The following METTL15 variants were observed in gnomAD, a reference collection of about 807,000 sequenced individuals.
METTL15 encodes the protein 12S rRNA N(4)-cytidine methyltransferase METTL15.
METTL15 carries 34 observed loss-of-function variants against 38.3 expected under a neutral mutation model. That is an observed-to-expected ratio of 0.89 (90% CI 0.68 to 1.18). The LOEUF is 1.18. METTL15 is among the 50% of genes most tolerant of loss of function. The pLI, the probability that METTL15 is intolerant of heterozygous loss-of-function variation, is 0.00. For synonymous variants in METTL15, 162 were observed against 170.9 expected (o/e 0.95, Z 0.41); for missense variants, 438 against 498.4 (o/e 0.88, Z 1.15).
At chr11:28,300,326 T>C (rs1856870357) in intron 6 of METTL15, among the ~76,000 whole-genome samples, 1 of 152,130 alleles carries the variant, frequency 6.6e-6, no homozygotes, top group Non-Finnish European at 1.5e-5. Flanking sequence ...TTAAAATCCA[T>C]ATTGATGGAA....
At chr11:28,187,467 A>G (rs1294020360) in intron 3 of METTL15, among the ~76,000 whole-genome samples, 1 of 150,684 alleles carries the variant, frequency 6.6e-6, no homozygotes. Flanking sequence ...GAAGGACTGA[A>G]AAGGGGAAAG....
At chr11:28,211,379 T>G (rs1010354963) in intron 4 of METTL15, among the ~76,000 whole-genome samples, 181 bp downstream of exon 4, 2 of 152,092 alleles carry the variant, frequency 1.3e-5, no homozygotes, top group African/African-American at 4.8e-5. Flanking sequence ...AAAGTAATGC[T>G]ATTTTCCAGT....
At chr11:28,113,733 G>C in intron 3 of METTL15, 129 bp downstream of exon 3, 1 of 932,646 alleles carries the variant, frequency 1.1e-6, no homozygotes, top group South Asian at 1.9e-5. Flanking sequence ...TTTGATGGTT[G>C]ATGCGAAAGT....
intron 3 of METTL15, among the ~76,000 whole-genome samples, chr11:28,123,240 A>G (rs756707709): frequency 6.6e-6 from 1 of 152,142 alleles, no homozygotes; most frequent in Non-Finnish European, 1.5e-5. Flanking sequence ...TCCCTGATCA[A>G]TAGTCTAATC....
chr11:28,366,356 A>G (rs1048455069), intron 5 of METTL15, among the ~76,000 whole-genome samples: 1 of 152,192 alleles, frequency 6.6e-6, no homozygotes, highest in African/African-American at 2.4e-5. Context: ...CCATCTATAA[A>G]TAAAATACTG....
rs10501097 is a variant in METTL15, at chr11:28,324,710, T to C, written c.779-5686T>C. On this transcript the variant is annotated intron_variant, in intron 6 of 6. Transcript: ENST00000407364. ...ATGCTTTTTGTGACTAAAATTGTGA[T>C]GCTGCTCATTTAGTCACTTATTGAT... Among the ~76,000 whole-genome samples, 1,462 of 152,338 alleles carry C rather than the reference T, an allele frequency of 9.6e-3. 73 individuals are homozygous for C. The highest frequency in any genetic ancestry group is 0.082 in the Admixed American group (1,260 of 15,294).
At chr11:28,336,947 T>C (rs2133350868), downstream of METTL15, among the ~76,000 whole-genome samples, 1 of 152,232 alleles carries the variant, frequency 6.6e-6, no homozygotes, top group East Asian at 1.9e-4. Flanking sequence ...CTATGTACAT[T>C]ATTACCCCTG....
intron 2 of METTL15, among the ~76,000 whole-genome samples, chr11:28,110,891 A>C (rs1408084993): frequency 6.6e-6 from 1 of 152,204 alleles, no homozygotes; most frequent in Non-Finnish European, 1.5e-5. Context: ...CTTAACTAGG[A>C]GATCACAGAG....
Position 28,397,790 on chromosome 11 carries a change from G to C in METTL15, c.*359-26509G>C, listed in dbSNP as rs1850587395. ...TGCTGCTATAAAGACACATGCACAT[G>C]TATGTTTATTGTGGCACTATTCACA... is the stretch of plus-strand genomic sequence containing the variant. On this transcript the variant is annotated intron_variant and NMD_transcript_variant, in intron 5 of 7. Transcript: ENST00000532947. Among the ~76,000 whole-genome samples the C allele has an allele frequency of 2.0e-5, 3 of 152,070 alleles. No homozygotes were observed. In the South Asian group the frequency reaches 6.2e-4, roughly 32 times the overall value.
intron 6 of METTL15, among the ~76,000 whole-genome samples, chr11:28,426,613 T>C (rs932259466): frequency 1.9e-4 from 28 of 151,266 alleles, no homozygotes; most frequent in African/African-American, 6.8e-4. Context: ...TTTTGACTTT[T>C]TAGTAATAGC....
intron 5 of METTL15, among the ~76,000 whole-genome samples, chr11:28,373,103 C>T (rs894183052): frequency 7.2e-5 from 11 of 152,008 alleles, no homozygotes; most frequent in Non-Finnish European, 1.6e-4. Flanking sequence ...GTCCTTATAG[C>T]AGCATGATTT....
intron 4 of METTL15, among the ~76,000 whole-genome samples, chr11:28,282,953 A>G (rs963521443): frequency 1.3e-5 from 2 of 152,182 alleles, no homozygotes; most frequent in Admixed American, 1.3e-4. Flanking sequence ...GAGAATCATG[A>G]CCATCATTAT....
At chr11:28,377,343 G>T (rs1850327989) in intron 5 of METTL15, among the ~76,000 whole-genome samples, 1 of 151,984 alleles carries the variant, frequency 6.6e-6, no homozygotes, top group East Asian at 1.9e-4. Context: ...ATATTTCTTG[G>T]AGGCTTTGCC....
chr11:28,196,905 A>G (rs540071546), intron 3 of METTL15, among the ~76,000 whole-genome samples: 29 of 151,964 alleles, frequency 1.9e-4, no homozygotes, highest in Admixed American at 6.6e-5. Flanking sequence ...TCGTCCCTCC[A>G]TGGAGTTGTT....
intron 3 of METTL15, among the ~76,000 whole-genome samples, chr11:28,128,882 T>C (rs916579397): frequency 6.6e-6 from 1 of 152,304 alleles, no homozygotes; most frequent in Admixed American, 6.5e-5. Context: ...TTTAGGAGAG[T>C]ACAAATACAT....
chr11:28,276,944 G>A (rs183217225), intron 4 of METTL15, among the ~76,000 whole-genome samples: 103 of 152,156 alleles, frequency 6.8e-4, no homozygotes, highest in African/African-American at 2.3e-3. Flanking sequence ...ACGTGAGAGC[G>A]GAAACTATTA....
Position 28,493,454 on chromosome 11 carries a change from G to A in METTL15, c.*425-33024G>A, listed in dbSNP as rs1488731554. On this transcript the variant is annotated intron_variant and NMD_transcript_variant, in intron 6 of 7. Transcript: ENST00000532947. Reference sequence around the variant, plus strand: ...CATTTTATGAGTCAACAAAGCCAAAGCCATCAATATGAAGCAGACTATTTT... The same window carrying A: ...CATTTTATGAGTCAACAAAGCCAAAACCATCAATATGAAGCAGACTATTTT... Among the ~76,000 whole-genome samples the A allele has an allele frequency of 2.0e-5, 3 of 152,250 alleles. No individual in the cohort carries two copies. The East Asian group carries it at 5.8e-4, about 29-fold the overall frequency.
intron 5 of METTL15, among the ~76,000 whole-genome samples, chr11:28,293,827 G>T (rs1285941607): frequency 6.6e-6 from 1 of 152,116 alleles, no homozygotes; most frequent in African/African-American, 2.4e-5. Context: ...AATTGTGAAT[G>T]GGAGTTCACT....
intron 5 of METTL15, among the ~76,000 whole-genome samples, chr11:28,408,019 G>A (rs545142287): frequency 3.5e-4 from 53 of 152,224 alleles, no homozygotes; most frequent in African/African-American, 1.3e-3. Flanking sequence ...CATGGATGGA[G>A]CTTGGAAGCC....
Sources: gnomAD v4.1 joint callset for allele counts (sites outside exome capture counted in the v4.1 genomes callset) on GRCh38, gnomAD v4.1.1 for gene constraint, MANE v1.5 for transcripts, NCBI Gene and HGNC (gene_info 2026-07-23, HGNC 2026-07-21) for gene names.